Variants in SNRPD3 observed in about 807,000 individuals in gnomAD.
SNRPD3 encodes the protein small nuclear ribonucleoprotein D3 polypeptide, also known as small nuclear ribonucleoprotein Sm D3.
For synonymous variants in SNRPD3, 66 were observed against 58.4 expected (o/e 1.13, Z -0.59); for missense variants, 73 against 167.5 (o/e 0.44, Z 3.11).
In SNRPD3 at chr22:24,573,153, A is replaced by G. The variant is rs2045263837; in HGVS notation, c.*1176A>G. Among the ~76,000 whole-genome samples the G allele has an allele frequency of 6.6e-6, 1 of 151,518 alleles. No individual in the cohort carries two copies. Among genetic ancestry groups the G allele is most frequent in the African/African-American group, 2.4e-5 (1 of 41,206 alleles). ...TGGGAGTATGAGGCTGCAGTGAGCT[A>G]TGACCTTGCCACTGTACTCCAGCCT... On this transcript the variant is annotated 3_prime_UTR_variant, in exon 4 of 4. Transcript: ENST00000215829.
intron 2 of SNRPD3, among the ~76,000 whole-genome samples, chr22:24,560,677 A>G (rs970826875): frequency 2.1e-5 from 3 of 144,544 alleles, no homozygotes; most frequent in Non-Finnish European, 4.5e-5. Context: ...TCAGCCTCCC[A>G]AGTGCTAGGA....
chr22:24,555,864 C>T (rs1373263053), upstream of SNRPD3: 10 of 1,525,668 alleles, frequency 6.6e-6, no homozygotes, highest in Non-Finnish European at 7.0e-6. Context: ...CGTACTGGTG[C>T]CCTAGTTTCC....
intron 2 of SNRPD3, among the ~76,000 whole-genome samples, chr22:24,567,670 C>T (rs112955742): frequency 3.3e-5 from 5 of 151,962 alleles, no homozygotes; most frequent in Admixed American, 6.6e-5. Flanking sequence ...CGCTTGAACC[C>T]GGGAGGCAGA....
At chr22:24,571,089 GGT>G (rs1363302222) in intron 3 of SNRPD3, among the ~76,000 whole-genome samples, 1 of 151,828 alleles carries the variant, frequency 6.6e-6, no homozygotes, top group Non-Finnish European at 1.5e-5. Flanking sequence ...AAAGCCCTGG[GGT>G]TACAGACATG....
In SNRPD3 at chr22:24,571,970, G is replaced by A. The variant is rs2045254287; in HGVS notation, c.374G>A (p.Arg125Gln). 1.2e-6 allele frequency: 2 copies of A among 1,613,900 alleles called. No homozygotes were observed. The highest frequency in any genetic ancestry group is 1.7e-5 in the Admixed American group (1 of 59,996). ...GGACGTGGAAACATCTTTCAAAAGC[G>A]AAGATAATTTTCTAAGTTGAACAGA... ...GMGRGNIFQK[R>Q]R Residue 125 changes from arginine to glutamine, a missense_variant, in exon 4 of 4, where the codon CGA becomes CAA. Physicochemically the swap from Arg to Gln is conservative, Grantham distance 43 (BLOSUM62 1). Transcript: ENST00000215829.
chr22:24,566,022 C>T (rs1465799833), intron 2 of SNRPD3, among the ~76,000 whole-genome samples: 1 of 152,140 alleles, frequency 6.6e-6, no homozygotes, highest in Non-Finnish European at 1.5e-5. Context: ...GGTAGTCTGA[C>T]CATAAACCTG....
At position 24,566,272 on chromosome 22, in the gene SNRPD3, GT is replaced by G. The variant is rs1446157653; in HGVS notation, c.127-1708del. Among the ~76,000 whole-genome samples, 8 of 152,224 alleles carry G rather than the reference GT, an allele frequency of 5.3e-5. No homozygotes were observed. The East Asian group carries it at 1.5e-3, about 29-fold the overall frequency. On this transcript the variant is annotated intron_variant, in intron 2 of 3. Transcript: ENST00000215829. ...ACAACAGGGGCGGCCCCAGAGCATA[GT>G]TTTGTTTGTTTTATTTTTGAGAGGA...
intron 3 of SNRPD3, among the ~76,000 whole-genome samples, chr22:24,568,522 A>ATTTATT (rs2045217235): frequency 6.7e-6 from 1 of 148,282 alleles, no homozygotes; most frequent in South Asian, 2.2e-4. Context: ...TTTATTTTTA[A>ATTTATT]TTTATTTTTA....
At chr22:24,569,625 C>T (rs9680666) in intron 3 of SNRPD3, among the ~76,000 whole-genome samples, 22,318 of 152,032 alleles carry the variant, frequency 0.15, 2,183 homozygotes, top group Admixed American at 0.28. Context: ...GTTGAGGGCT[C>T]GGTCCCACAA....
Position 24,556,033 on chromosome 22 carries a change from T to C in SNRPD3, c.-57T>C, listed in dbSNP as rs1008671492. 7 of 626,814 alleles carry C rather than the reference T, an allele frequency of 1.1e-5. No individual in the cohort carries two copies. The highest frequency in any genetic ancestry group is 8.7e-5 in the Admixed American group (3 of 34,500). 38.8% of individuals were successfully genotyped at this position (626,814 alleles called of 1,614,324 possible). A position where few individuals can be genotyped will look rare whatever the true frequency, so the allele number is the denominator to read the frequency against. ...ACTCACGCCTTCGCCGTAGCATCTT[T>C]CGCAGCGGACCGAAGAGAAGAAAAG... On this transcript the variant is annotated 5_prime_UTR_variant, in exon 1 of 4. Transcript: ENST00000215829.
intron 3 of SNRPD3, among the ~76,000 whole-genome samples, chr22:24,570,066 G>A (rs578246358): frequency 1.6e-3 from 238 of 152,354 alleles, no homozygotes; most frequent in African/African-American, 5.7e-3. Context: ...TAGACAAAAT[G>A]GGTGTGATCT....
chr22:24,555,692 C>T (rs1243537169), upstream of SNRPD3: 6 of 1,550,554 alleles, frequency 3.9e-6, no homozygotes, highest in Non-Finnish European at 5.2e-6. Context: ...TGTCCCCGGT[C>T]TGAGGGCCCA....
chr22:24,567,290 T>C lies in SNRPD3; in HGVS notation c.127-694T>C, dbSNP rs16978707. On this transcript the variant is annotated intron_variant, in intron 2 of 3. Coordinates refer to ENST00000215829, the MANE Select transcript of SNRPD3 (RefSeq NM_004175.5). The stretch of plus-strand genomic sequence containing the variant: ...TTGGACCAGCAGTTTGAAGCTGTTT[T>C]CGTTAGGGTTTAGCACCTTCAAGAG... Among the ~76,000 whole-genome samples the C allele has an allele frequency of 7.4e-3, 1,121 of 152,294 alleles. 18 individuals carry two copies. The highest frequency in any genetic ancestry group is 0.026 in the African/African-American group (1,074 of 41,552).
At chr22:24,559,788 G>C (rs2045115257) in intron 2 of SNRPD3, among the ~76,000 whole-genome samples, 1 of 152,072 alleles carries the variant, frequency 6.6e-6, no homozygotes, top group Non-Finnish European at 1.5e-5. Flanking sequence ...TTGTATGCTA[G>C]TGCTACCATA....
chr22:24,565,190 T>C (rs1398064184), intron 2 of SNRPD3, among the ~76,000 whole-genome samples: 4 of 152,006 alleles, frequency 2.6e-5, no homozygotes, highest in Non-Finnish European at 2.9e-5. Context: ...TGGCCTGATT[T>C]GCTTTTTAAC....
At chr22:24,569,905 C>T (rs1436854657) in intron 3 of SNRPD3, among the ~76,000 whole-genome samples, 4 of 152,236 alleles carry the variant, frequency 2.6e-5, no homozygotes, top group South Asian at 2.1e-4. Context: ...AGTTTCCTCC[C>T]GGCACATGGA....
chr22:24,571,816 C>A, intron 3 of SNRPD3, 100 bp from the exon 4 acceptor site: 2 of 1,194,238 alleles, frequency 1.7e-6, no homozygotes, highest in South Asian at 1.3e-5. Flanking sequence ...GGTAACCCTT[C>A]AGAACCCTTC....
At chr22:24,563,392 G>A (rs971070177) in intron 2 of SNRPD3, among the ~76,000 whole-genome samples, 14 of 151,854 alleles carry the variant, frequency 9.2e-5, no homozygotes, top group Admixed American at 3.3e-4. Context: ...GGGTCAGAGG[G>A]TGTGCATCTG....
At chr22:24,559,532 C>T (rs939055544) in intron 2 of SNRPD3, among the ~76,000 whole-genome samples, 1 of 152,168 alleles carries the variant, frequency 6.6e-6, no homozygotes, top group Non-Finnish European at 1.5e-5. Context: ...GGTGTCTAAC[C>T]AGATAACCTT....
Sources: allele counts gnomAD v4.1 joint callset (sites outside exome capture counted in the v4.1 genomes callset), GRCh38; gene constraint gnomAD v4.1.1; transcripts MANE v1.5; gene names NCBI Gene and HGNC (gene_info 2026-07-23, HGNC 2026-07-21).